Variants in KCTD8 observed in about 807,000 individuals in gnomAD.
KCTD8 encodes BTB/POZ domain-containing protein KCTD8.
A neutral mutation model predicts 31.5 loss-of-function variants in KCTD8; 27 were observed. The observed-to-expected ratio is 0.86, with a 90% confidence interval of 0.63 to 1.18. The LOEUF is 1.18. Among genes scored for constraint, KCTD8 ranks in the 50% most tolerant of loss-of-function variants. The pLI, the probability that KCTD8 is intolerant of heterozygous loss-of-function variation, is 0.00. For synonymous variants in KCTD8, 290 were observed against 280.0 expected, an observed-to-expected ratio of 1.04 and a Z score of -0.36; for missense variants, 658 against 647.7, an observed-to-expected ratio of 1.02 and a Z score of -0.17.
intron 1 of KCTD8, among the ~76,000 whole-genome samples, chr4:44,352,541 A>AT (rs200320588): frequency 6.8e-6 from 1 of 147,644 alleles, no homozygotes; most frequent in African/African-American, 2.4e-5. Context: ...TACTATTTAT[A>AT]TTTTTGTATA....
intron 1 of KCTD8, among the ~76,000 whole-genome samples, chr4:44,245,125 G>C (rs1715615782): frequency 6.6e-6 from 1 of 152,030 alleles, no homozygotes; most frequent in African/African-American, 2.4e-5. Flanking sequence ...CAAACTTTTG[G>C]ATTTGTGACT....
intron 1 of KCTD8, among the ~76,000 whole-genome samples, chr4:44,235,468 A>G (rs1715248078): frequency 1.5e-5 from 2 of 137,110 alleles, no homozygotes; most frequent in Non-Finnish European, 3.2e-5. Context: ...GATAGAGAGC[A>G]AGAGAGAGAC....
chr4:44,369,321 G>C (rs1483629616), intron 1 of KCTD8, among the ~76,000 whole-genome samples: 1 of 152,148 alleles, frequency 6.6e-6, no homozygotes, highest in Non-Finnish European at 1.5e-5. Context: ...CTATATAGAA[G>C]AGTTAATTGC....
At chr4:44,390,799 A>G (rs772871300) in intron 1 of KCTD8, among the ~76,000 whole-genome samples, 6 of 152,076 alleles carry the variant, frequency 3.9e-5, no homozygotes, top group Middle Eastern at 3.4e-3. Flanking sequence ...AATAATAGGC[A>G]TTGATGTGGT....
intron 1 of KCTD8, among the ~76,000 whole-genome samples, chr4:44,229,746 A>G (rs1184419286): frequency 6.6e-6 from 1 of 152,124 alleles, no homozygotes; most frequent in Non-Finnish European, 1.5e-5. Flanking sequence ...GAAAACAAAC[A>G]GACAAAAATA....
At chr4:44,220,422 G>T (rs1714774228) in intron 1 of KCTD8, among the ~76,000 whole-genome samples, 1 of 152,168 alleles carries the variant, frequency 6.6e-6, no homozygotes, top group South Asian at 2.1e-4. Flanking sequence ...TGAGGGGAAG[G>T]TGTGGTGGAA....
intron 1 of KCTD8, among the ~76,000 whole-genome samples, chr4:44,277,437 C>G (rs1456504832): frequency 6.6e-6 from 1 of 151,696 alleles, no homozygotes. Flanking sequence ...TAACAGTACA[C>G]TAACACTGTT....
At chr4:44,362,307 G>T (rs1410185870) in intron 1 of KCTD8, among the ~76,000 whole-genome samples, 1 of 152,124 alleles carries the variant, frequency 6.6e-6, no homozygotes, top group East Asian at 1.9e-4. Flanking sequence ...AGCATAAAGA[G>T]AATATGCATT....
chr4:44,328,876 A>T (rs1718521391), intron 1 of KCTD8, among the ~76,000 whole-genome samples: 1 of 151,894 alleles, frequency 6.6e-6, no homozygotes, highest in African/African-American at 2.4e-5. Context: ...CATGGCAGCT[A>T]AGGACAGGAG....
chr4:44,316,714 G>T (rs1718118706), intron 1 of KCTD8, among the ~76,000 whole-genome samples: 1 of 147,392 alleles, frequency 6.8e-6, no homozygotes, highest in Non-Finnish European at 1.5e-5. Context: ...ACTTTGGGAG[G>T]CCGAGGCGGG....
In KCTD8 at chr4:44,364,245, A is replaced by G. The variant is rs115149737; in HGVS notation, c.961+83318T>C. Among the ~76,000 whole-genome samples, 1,063 of 152,310 alleles carry G rather than the reference A, an allele frequency of 7.0e-3. 7 individuals carry two copies. The highest frequency in any genetic ancestry group is 0.01 in the Non-Finnish European group (704 of 68,008). On this transcript the variant is annotated intron_variant, in intron 1 of 1. Transcript: ENST00000360029. ...TTAAAATACAACAGTAGGAAAAGAAAAAAAGCCTAATTTTTTAAAGACAGT... is the reference window on the plus strand; with the variant it reads ...TTAAAATACAACAGTAGGAAAAGAAGAAAAGCCTAATTTTTTAAAGACAGT...
Position 44,447,665 on chromosome 4 carries a change from C to T in KCTD8, c.859G>A (p.Gly287Ser). 5 of 1,611,870 alleles carry T rather than the reference C, an allele frequency of 3.1e-6. No homozygotes were observed. Among genetic ancestry groups the T allele is most frequent in the Non-Finnish European group, 3.4e-6 (4 of 1,179,154 alleles). ...EQAFDRLSEA[G>S]FHMVACNSSG... Reference sequence around the variant, plus strand: ...GAGTTACACGCCACCATGTGGAAGCCGGCCTCGGACAGGCGATCAAAGGCC... The same window carrying T: ...GAGTTACACGCCACCATGTGGAAGCTGGCCTCGGACAGGCGATCAAAGGCC... Residue 287 changes from glycine to serine, a missense_variant, in exon 1 of 2, where the codon GGC becomes AGC. Physicochemically the swap from Gly to Ser is moderately conservative, Grantham distance 56. Transcript: ENST00000360029.
At chr4:44,426,020 T>C (rs969206798) in intron 1 of KCTD8, among the ~76,000 whole-genome samples, 5 of 150,990 alleles carry the variant, frequency 3.3e-5, no homozygotes, top group African/African-American at 1.2e-4. Flanking sequence ...AAGAGGAATT[T>C]GAAAAAAAAG....
At chr4:44,216,793 T>C (rs1420939289) in intron 1 of KCTD8, among the ~76,000 whole-genome samples, 1 of 152,194 alleles carries the variant, frequency 6.6e-6, no homozygotes, top group Non-Finnish European at 1.5e-5. Context: ...CTGGCTGTTT[T>C]GTTTGTTGTA....
intron 1 of KCTD8, among the ~76,000 whole-genome samples, chr4:44,316,722 G>A (rs548246709): frequency 9.5e-5 from 14 of 147,242 alleles, no homozygotes; most frequent in East Asian, 2.1e-4. Context: ...AGGCCGAGGC[G>A]GGCCAATCAC....
chr4:44,283,836 GACAA>G (rs748186395), intron 1 of KCTD8, among the ~76,000 whole-genome samples: 8 of 152,186 alleles, frequency 5.3e-5, no homozygotes, highest in Middle Eastern at 3.4e-3. Flanking sequence ...ATCAATAACA[GACAA>G]ACAGAGAGCC....
At chr4:44,194,600 C>T (rs1349347817) in intron 1 of KCTD8, among the ~76,000 whole-genome samples, 2 of 152,106 alleles carry the variant, frequency 1.3e-5, no homozygotes, top group Non-Finnish European at 2.9e-5. Context: ...GTGCTGAGAA[C>T]ACAGAATTCA....
chr4:44,192,872 C>T lies in KCTD8; in HGVS notation c.962-17622G>A, dbSNP rs550525986. 9.2e-5 allele frequency among the ~76,000 whole-genome samples: 14 copies of T among 152,288 alleles called. No individual in the cohort carries two copies. In the South Asian group the frequency reaches 2.7e-3, roughly 29 times the overall value. On this transcript the variant is annotated intron_variant, in intron 1 of 1. Transcript: ENST00000360029. ...GATTAGACTGGCTTAGCCTCCCAGC[C>T]TACGTCTTTCTTCCATGCTGGATTG...
At chr4:44,437,054 G>T (rs964356130) in intron 1 of KCTD8, among the ~76,000 whole-genome samples, 18 of 96,300 alleles carry the variant, frequency 1.9e-4, no homozygotes, top group African/African-American at 6.9e-4. Flanking sequence ...CAATGATTTT[G>T]AAAGTTTTTT....
Sources: gnomAD v4.1 joint callset for allele counts (sites outside exome capture counted in the v4.1 genomes callset) on GRCh38, gnomAD v4.1.1 for gene constraint, MANE v1.5 for transcripts, NCBI Gene and HGNC (gene_info 2026-07-23, HGNC 2026-07-21) for gene names.